The following COL6A1 variants were observed in gnomAD, a reference collection of about 807,000 sequenced individuals.
COL6A1 encodes collagen alpha-1(VI) chain.
In COL6A1, 80 loss-of-function variants were observed where a neutral mutation model predicts 145.6. The ratio of observed to expected loss-of-function variants is 0.55; its 90% confidence interval spans 0.46 to 0.66. The LOEUF (loss-of-function observed/expected upper bound fraction) is 0.66, where lower values mean the gene tolerates loss of function less well. Ranked by LOEUF, COL6A1 falls within the 30% of genes least tolerant of loss-of-function variation. The pLI is 0.00. For missense variants in COL6A1, 1,364 were observed against 1,473.8 expected (o/e 0.93, Z 1.22); for synonymous variants, 638 against 622.8 (o/e 1.02, Z -0.36).
At chr21:45,982,580 G>A (rs2077714178) in intron 1 of COL6A1, 54 bp from the exon 2 acceptor site, 2 of 1,611,028 alleles carry the variant, frequency 1.2e-6, no homozygotes, top group East Asian at 2.2e-5. Context: ...GCCCAGCAGA[G>A]ACTCGGGGAA....
chr21:46,000,616 G>A (rs1374272358), intron 28 of COL6A1, 143 bp from the exon 29 acceptor site: 35 of 1,378,042 alleles, frequency 2.5e-5, no homozygotes, highest in Non-Finnish European at 3.2e-5. Context: ...GCGGGGAGGC[G>A]GGGCAGGAGG....
Position 46,004,039 on chromosome 21 carries a change from C to G in COL6A1, c.*26C>G, listed in dbSNP as rs200200218. ...CCCACCCTGCACGCCGGCACCAAAC[C>G]CTGTCCTCCCACCCCTCCCCACTCA... On this transcript the variant is annotated 3_prime_UTR_variant, in exon 35 of 35. Transcript: ENST00000361866. The G allele has an allele frequency of 2.0e-4, 327 of 1,612,820 alleles. 4 individuals are homozygous for G. The African/African-American group carries it at 3.7e-3, about 18-fold the overall frequency.
chr21:46,001,755 G>A (rs574877345), intron 30 of COL6A1, among the ~76,000 whole-genome samples: 2 of 150,868 alleles, frequency 1.3e-5, no homozygotes, highest in East Asian at 3.9e-4. Context: ...CCACCCTCTG[G>A]GCACCCGGAG....
intron 27 of COL6A1, among the ~76,000 whole-genome samples, chr21:45,999,977 GGA>G (rs1569518929): frequency 9.8e-5 from 1 of 10,160 alleles, no homozygotes; most frequent in African/African-American, 4.4e-4. Context: ...TGAGGATCAT[GGA>G]GGGGGACATG....
chr21:45,981,932 G>A lies in COL6A1; in HGVS notation c.82G>A (p.Ala28Thr), dbSNP rs1274682105. 3 of 1,607,292 alleles carry A rather than the reference G, an allele frequency of 1.9e-6. No individual in the cohort carries two copies. Among genetic ancestry groups the A allele is most frequent in the South Asian group, 1.1e-5 (1 of 90,094 alleles). ...GCAGGATGAGCCGGAGACCCCGAGG[G>A]CCGTGGCCTTCCAGGGTGAGTGGTG... is the stretch of plus-strand genomic sequence containing the variant. ...AAQDEPETPR[A>T]VAFQDCPVDL... Residue 28 changes from alanine (A) to threonine (T), a missense_variant, in exon 1 of 35, where the codon GCC (alanine) becomes ACC (threonine). Ala to Thr is a moderately conservative substitution (Grantham distance 58, BLOSUM62 0). Transcript: ENST00000361866.
chr21:46,001,536 G>T, intron 30 of COL6A1, 150 bp downstream of exon 30: 1 of 1,046,012 alleles, frequency 9.6e-7, no homozygotes, highest in Non-Finnish European at 1.4e-6. Context: ...GCACGCGCCA[G>T]CCCGTCCAGG....
chr21:45,983,362 G>A (rs1400253603), intron 2 of COL6A1, among the ~76,000 whole-genome samples: 1 of 151,922 alleles, frequency 6.6e-6, no homozygotes, highest in Admixed American at 6.5e-5. Context: ...GGGGGGAGAG[G>A]GGAGTCGGTC....
At chr21:45,986,406 T>C in intron 3 of COL6A1, 120 bp from the exon 4 acceptor site, 1 of 939,832 alleles carries the variant, frequency 1.1e-6, no homozygotes, top group Non-Finnish European at 1.7e-6. Flanking sequence ...ATAGCCAGGA[T>C]CAGCAAAGAG....
chr21:45,990,161 G>A, intron 11 of COL6A1, 97 bp from the exon 12 acceptor site: 1 of 1,456,530 alleles, frequency 6.9e-7, no homozygotes, highest in Non-Finnish European at 9.6e-7. Flanking sequence ...CCTCGGGTTG[G>A]GGGCACCCAA....
At chr21:45,996,774 G>C (rs958922184) in intron 20 of COL6A1, among the ~76,000 whole-genome samples, 1 of 152,334 alleles carries the variant, frequency 6.6e-6, no homozygotes, top group Admixed American at 6.5e-5. Context: ...CCACGGAGCA[G>C]GCCCTCAAAG....
At chr21:45,993,477 C>A (rs796782552) in intron 19 of COL6A1, among the ~76,000 whole-genome samples, 9 of 152,302 alleles carry the variant, frequency 5.9e-5, no homozygotes, top group African/African-American at 2.2e-4. Context: ...TGTGCCCAGC[C>A]GAGCTGCCAG....
rs2077817384 is a variant in COL6A1 at position 45,998,153 on chromosome 21, G to GGGCTTCCCC, written c.1568_1575+1dup. On this transcript the variant is annotated inframe_insertion, in exon 23 of 35. Coordinates refer to ENST00000361866, the MANE Select transcript of COL6A1 (RefSeq NM_001848.3). ...ACGGCCCCGCTGGAAATGGCACCGA[G>GGGCTTCCCC]GGCTTCCCCGGCTTCCCCGTAAGTG... 2 of 1,612,452 alleles carry GGGCTTCCCC rather than the reference G, an allele frequency of 1.2e-6. No homozygotes were observed. Among genetic ancestry groups the GGGCTTCCCC allele is most frequent in the Admixed American group, 1.7e-5 (1 of 59,988 alleles).
chr21:46,001,212 AG>A, intron 29 of COL6A1, 40 bp from the exon 30 acceptor site: 2 of 1,589,944 alleles, frequency 1.3e-6, no homozygotes, highest in African/African-American at 2.7e-5. Context: ...AGGGCACTGG[AG>A]GGGAGGGGCG....
At chr21:46,001,822 C>CAA (rs1701298265) in intron 30 of COL6A1, 139 bp from the exon 31 acceptor site, 2 of 727,236 alleles carry the variant, frequency 2.8e-6, no homozygotes, top group Non-Finnish European at 4.7e-6. Flanking sequence ...CACCCAGAGC[C>CAA]AATCGCAGGG....
At chr21:46,000,719 G>A (rs772332130) in intron 28 of COL6A1, 40 bp from the exon 29 acceptor site, 55 of 1,613,756 alleles carry the variant, frequency 3.4e-5, no homozygotes, top group South Asian at 7.7e-5. Flanking sequence ...CGCAGGACGC[G>A]GCCCTGACTG....
chr21:45,985,638 G>A (rs1177008733), intron 3 of COL6A1, among the ~76,000 whole-genome samples: 5 of 152,252 alleles, frequency 3.3e-5, no homozygotes, highest in African/African-American at 7.2e-5. Context: ...AGAGGGGAAC[G>A]TGGCCTCCCC....
intron 9 of COL6A1, among the ~76,000 whole-genome samples, 173 bp from the exon 10 acceptor site, chr21:45,989,435 C>T (rs909155660): frequency 6.6e-6 from 1 of 152,202 alleles, no homozygotes; most frequent in Admixed American, 6.5e-5. Flanking sequence ...TATCCATAGA[C>T]TTCCCTCCCC....
chr21:46,003,320 GCT>G (rs1209972155), intron 34 of COL6A1, 69 bp from the exon 35 acceptor site: 3 of 1,600,918 alleles, frequency 1.9e-6, no homozygotes, highest in Non-Finnish European at 1.7e-6. Flanking sequence ...GAGCTTAGAC[GCT>G]CTCTGGCCGG....
chr21:45,989,572 T>C (rs746205718), intron 9 of COL6A1, 36 bp from the exon 10 acceptor site: 3 of 1,608,458 alleles, frequency 1.9e-6, no homozygotes, highest in Non-Finnish European at 1.7e-6. Flanking sequence ...CCCCTGCTCC[T>C]CCGGGGGTGT....
Sources: allele counts gnomAD v4.1 joint callset (sites outside exome capture counted in the v4.1 genomes callset), GRCh38; gene constraint gnomAD v4.1.1; transcripts MANE v1.5; gene names NCBI Gene and HGNC (gene_info 2026-07-23, HGNC 2026-07-21).